The following GRIN2B variants were observed in gnomAD, a reference collection of about 807,000 sequenced individuals.
GRIN2B encodes glutamate ionotropic receptor NMDA type subunit 2B.
A neutral mutation model predicts 114.5 loss-of-function variants in GRIN2B; 5 were observed. That is an observed-to-expected ratio of 0.04 (90% CI 0.02 to 0.09). The LOEUF is 0.09. GRIN2B is among the 10% of genes least tolerant of loss of function. The probability of loss-of-function intolerance (pLI) is 1.00; values close to 1 mark genes in which losing one functional copy is unlikely to be tolerated. For synonymous variants in GRIN2B, 787 were observed against 745.1 expected (o/e 1.06, Z -0.92); for missense variants, 1,108 against 1,943.5 (o/e 0.57, Z 8.08).
intron 3 of GRIN2B, among the ~76,000 whole-genome samples, chr12:13,794,731 G>A (rs1379953537): frequency 3.9e-5 from 6 of 152,176 alleles, no homozygotes; most frequent in Admixed American, 2.0e-4. Context: ...GCAAAATGCT[G>A]GCAAGTGCTT....
chr12:13,604,402 A>G (rs1949209027), intron 10 of GRIN2B, among the ~76,000 whole-genome samples: 1 of 152,242 alleles, frequency 6.6e-6, no homozygotes, highest in East Asian at 1.9e-4. Flanking sequence ...AAAGCTGAAG[A>G]TAACTTTTTA....
intron 5 of GRIN2B, among the ~76,000 whole-genome samples, chr12:13,663,812 T>C (rs1017966604): frequency 2.6e-5 from 4 of 152,330 alleles, no homozygotes; most frequent in African/African-American, 9.6e-5. Context: ...TTTTTCCATT[T>C]TCCTGTTTTC....
At chr12:13,763,794 G>C (rs950730471) in intron 3 of GRIN2B, among the ~76,000 whole-genome samples, 2 of 152,096 alleles carry the variant, frequency 1.3e-5, no homozygotes, top group Non-Finnish European at 2.9e-5. Flanking sequence ...CTAGACCTTG[G>C]CCTGCAATAC....
intron 2 of GRIN2B, among the ~76,000 whole-genome samples, chr12:13,871,174 A>C (rs1591595630): frequency 6.6e-6 from 1 of 152,280 alleles, no homozygotes; most frequent in East Asian, 1.9e-4. Flanking sequence ...ATGAGTTATA[A>C]GTTCGAACTA....
chr12:13,940,459 C>T (rs1426405373), intron 2 of GRIN2B, among the ~76,000 whole-genome samples: 2 of 152,226 alleles, frequency 1.3e-5, no homozygotes, highest in South Asian at 2.1e-4. Context: ...CACACGCACA[C>T]ACACGTACAC....
At chr12:13,668,213 C>G in intron 5 of GRIN2B, among the ~76,000 whole-genome samples, 1 of 152,158 alleles carries the variant, frequency 6.6e-6, no homozygotes, top group East Asian at 1.9e-4. Context: ...TTTCTCTGTC[C>G]ATCAGCATGT....
Position 13,753,384 on chromosome 12 carries a change from G to A in GRIN2B, c.943C>T (p.Pro315Ser). Reference protein sequence around the residue: ...SDMLSEHSFIPEPKSSCYNTH... With the variant: ...SDMLSEHSFISEPKSSCYNTH... ...TTGTAACAACTGCTTTTGGGCTCAG[G>A]GATGAAGCTGTGCTCAGACAGCATG... Residue 315 changes from proline (P) to serine (S), a missense_variant, in exon 4 of 14, where the codon CCT (proline) becomes TCT (serine). Pro to Ser is a moderately conservative substitution (Grantham distance 74, BLOSUM62 -1). Coordinates refer to ENST00000609686, the MANE Select transcript of GRIN2B (RefSeq NM_000834.5). This position sits in a 1 kb window ranked among gnomAD's most constrained non-coding sequence, Gnocchi z 6.2. The A allele has an allele frequency of 6.2e-7, 1 of 1,613,996 alleles. No homozygotes were observed. Among genetic ancestry groups the A allele is most frequent in the African/African-American group, 1.3e-5 (1 of 75,054 alleles).
At chr12:13,598,573 G>A (rs1056152541) in intron 10 of GRIN2B, among the ~76,000 whole-genome samples, 6 of 152,212 alleles carry the variant, frequency 3.9e-5, no homozygotes, top group Non-Finnish European at 8.8e-5. Context: ...AGCTTCAGTA[G>A]GTTAAAAAGT....
rs1364308349 is a variant in GRIN2B, at chr12:13,839,837, ACT to A, written c.411+25959_411+25960del. Among the ~76,000 whole-genome samples the A allele has an allele frequency of 3.3e-5, 5 of 152,134 alleles. No individual in the cohort carries two copies. In the East Asian group the frequency reaches 7.7e-4, roughly 23 times the overall value. ...CTATAAAAATTCAGCTTCTTTAGTG[ACT>A]CATAACCAGGTCAAAGCTTTGATTT... is the stretch of plus-strand genomic sequence containing the variant. On this transcript the variant is annotated intron_variant, in intron 3 of 13. Transcript: ENST00000609686.
At position 13,561,996 on chromosome 12, in the gene GRIN2B, GC is replaced by G. The variant is rs1948551217; in HGVS notation, c.*786del. The G allele has an allele frequency of 6.6e-6, 1 of 152,624 alleles. No homozygotes were observed. The highest frequency in any genetic ancestry group is 2.4e-5 in the African/African-American group (1 of 41,464). 9.5% of individuals were successfully genotyped at this position (152,624 alleles called of 1,614,324 possible). On this transcript the variant is annotated 3_prime_UTR_variant, in exon 14 of 14. Transcript: ENST00000609686. Reference sequence around the variant, plus strand: ...AGAAACAATAGAAAGAGTCAAGGTTGCCTTCTCTTGAGGCACCTGACTACAC... The same window carrying G: ...AGAAACAATAGAAAGAGTCAAGGTTGCTTCTCTTGAGGCACCTGACTACAC...
chr12:13,638,412 T>C (rs893408090), intron 5 of GRIN2B, among the ~76,000 whole-genome samples: 1 of 152,078 alleles, frequency 6.6e-6, no homozygotes, highest in Admixed American at 6.6e-5. Flanking sequence ...CATAAGTACA[T>C]ACTGAATGAA....
intron 3 of GRIN2B, among the ~76,000 whole-genome samples, chr12:13,798,357 T>A (rs531572901): frequency 4.6e-5 from 7 of 152,140 alleles, no homozygotes; most frequent in African/African-American, 1.7e-4. Flanking sequence ...CAATTATGAA[T>A]AACACACAAT....
chr12:13,648,575 G>T (rs934880410), intron 5 of GRIN2B, among the ~76,000 whole-genome samples: 3 of 151,950 alleles, frequency 2.0e-5, no homozygotes, highest in African/African-American at 7.2e-5. Flanking sequence ...CTGCCACAGA[G>T]AAAGCAGTTT....
At chr12:13,702,239 A>G (rs1250627050) in intron 4 of GRIN2B, among the ~76,000 whole-genome samples, 2 of 152,224 alleles carry the variant, frequency 1.3e-5, no homozygotes, top group Admixed American at 6.5e-5. Flanking sequence ...GAAAATATTC[A>G]TAAGTTTACT....
At chr12:13,837,698 T>C (rs982181971) in intron 3 of GRIN2B, among the ~76,000 whole-genome samples, 15 of 152,192 alleles carry the variant, frequency 9.9e-5, no homozygotes, top group African/African-American at 3.6e-4. Flanking sequence ...CTCTCGATGG[T>C]GGTGCAGGAT....
chr12:13,980,517 C>G (rs760536277), intron 1 of GRIN2B, among the ~76,000 whole-genome samples, 161 bp from the exon 2 acceptor site: 6 of 152,000 alleles, frequency 3.9e-5, no homozygotes, highest in Non-Finnish European at 8.8e-5. Flanking sequence ...ACAGCTGGTA[C>G]CGGTCTATAA....
intron 13 of GRIN2B, among the ~76,000 whole-genome samples, chr12:13,565,445 A>C (rs963152878): frequency 6.6e-6 from 1 of 152,156 alleles, no homozygotes; most frequent in Admixed American, 6.5e-5. Flanking sequence ...TATCATCAAT[A>C]ATTAACATCT....
Position 13,540,227 on chromosome 12 carries a change from T to C in GRIN2B, c.*22556A>G, listed in dbSNP as rs1319024482. ...ACAAAGACCAAGAAAAAAACTCTGA[T>C]TCTGGATTTTTTTTAACCCTGATAA... On this transcript the variant is annotated 3_prime_UTR_variant, in exon 14 of 14. Transcript: ENST00000609686. 6.6e-6 allele frequency: 1 copy of C among 152,236 alleles called. No homozygotes were observed. The highest frequency in any genetic ancestry group is 1.5e-5 in the Non-Finnish European group (1 of 68,044). 9.4% of individuals were successfully genotyped at this position (152,236 alleles called of 1,614,324 possible).
rs1238758102 is a variant in GRIN2B, at chr12:13,607,308, TATATA to T, written c.2010+1290_2010+1294del. ...ATATATTATATAAAAATATATATTA[TATATA>T]ATATAAAATATATAATATATATTAT... On this transcript the variant is annotated intron_variant, in intron 10 of 13. Coordinates refer to ENST00000609686, the MANE Select transcript of GRIN2B (RefSeq NM_000834.5). Among the ~76,000 whole-genome samples the T allele has an allele frequency of 1.7e-4, 12 of 72,514 alleles. No homozygotes were observed. In the Admixed American group the frequency reaches 2.1e-3, roughly 12 times the overall value. The allele number at this position is 72,514 out of a possible 152,430, so 47.6% of individuals were successfully genotyped here.
Sources: allele counts gnomAD v4.1 joint callset (sites outside exome capture counted in the v4.1 genomes callset), GRCh38; gene constraint gnomAD v4.1.1; non-coding constraint Gnocchi (gnomAD v3.1); transcripts MANE v1.5; gene names NCBI Gene and HGNC (gene_info 2026-07-23, HGNC 2026-07-21).